NF1: variants seen among roughly 807,000 people sequenced by gnomAD.
NF1 encodes the protein neurofibromin.
In NF1, 122 loss-of-function variants were observed where a neutral mutation model predicts 325.7. The observed-to-expected ratio is 0.37, with a 90% CI of 0.32 to 0.44. NF1 has a LOEUF of 0.44. NF1 is among the 20% of genes least tolerant of loss of function. The pLI is 1.00. For missense variants in NF1, 2,140 were observed against 3,415.4 expected, an observed-to-expected ratio of 0.63 and a Z score of 9.31; for synonymous variants, 1,091 against 1,186.0, an observed-to-expected ratio of 0.92 and a Z score of 1.65.
At chr17:31,220,301 TTAC>T in intron 14 of NF1, among the ~76,000 whole-genome samples, 1 of 152,340 alleles carries the variant, frequency 6.6e-6, no homozygotes, top group Non-Finnish European at 1.5e-5. Context: ...ATTTTAGCAC[TTAC>T]TACGTAATCA....
intron 13 of NF1, among the ~76,000 whole-genome samples, chr17:31,218,466 C>T (rs2066861599): frequency 6.6e-6 from 1 of 152,138 alleles, no homozygotes; most frequent in South Asian, 2.1e-4. Flanking sequence ...AATTCACCAT[C>T]TTAAAGTTTA....
rs117424974 is a variant in NF1, at chr17:31,130,295, C to T, written c.61-25688C>T. Among the ~76,000 whole-genome samples, 31 of 152,230 alleles carry T rather than the reference C, an allele frequency of 2.0e-4. 1 individual carries two copies. The East Asian group carries it at 5.8e-3, about 28-fold the overall frequency. ...CTGCTGCACTGGAGGGGCCGAGGTG[C>T]TCCTGGACCTCTGGTCACAATACTC... On this transcript the variant is annotated intron_variant, in intron 1 of 57. Transcript: ENST00000358273.
intron 52 of NF1, 42 bp from the exon 53 acceptor site, chr17:31,356,918 T>C (rs1597866237): frequency 2.5e-6 from 4 of 1,611,986 alleles, no homozygotes; most frequent in Non-Finnish European, 3.4e-6. Context: ...GTGAAGTGAT[T>C]ATCCAGGTGT....
chr17:31,296,021 A>G (rs534903929), intron 36 of NF1: 3 of 1,614,196 alleles, frequency 1.9e-6, no homozygotes, highest in South Asian at 2.2e-5. Context: ...AGCAGCAGAC[A>G]TGTTCCACAG....
chr17:31,216,752 AC>A (rs1188014382), intron 13 of NF1, among the ~76,000 whole-genome samples: 1 of 152,026 alleles, frequency 6.6e-6, no homozygotes, highest in Non-Finnish European at 1.5e-5. Context: ...TCTCCCATCT[AC>A]CATTTCTTCC....
rs745931495 is a variant in NF1, at chr17:31,249,084, C to A, written c.4075C>A (p.Pro1359Thr). ...AIISSSSEFP[P>T]QLRSVCHCLY... The stretch of plus-strand genomic sequence containing the variant: ...CATCAGTTCCTCCTCAGAATTCCCC[C>A]CTCAACTTCGAAGTGTGTGCCACTG... The change falls in exon 30 of 58, where the codon CCT becomes ACT. Residue 1359 changes from proline to threonine, a missense_variant. By Grantham distance (38) the Pro-to-Thr change is conservative. Around this residue, in one of 10 missense-constraint regions of NF1, gnomAD observed 336 missense variants for 399.0 expected, o/e 0.84. Transcript: ENST00000358273. The A allele has an allele frequency of 3.1e-6, 5 of 1,614,098 alleles. No individual in the cohort carries two copies. The highest frequency in any genetic ancestry group is 2.5e-6 in the Non-Finnish European group (3 of 1,179,990).
At chr17:31,135,811 A>G (rs927267551) in intron 1 of NF1, among the ~76,000 whole-genome samples, 2 of 151,910 alleles carry the variant, frequency 1.3e-5, no homozygotes, top group Non-Finnish European at 2.9e-5. Flanking sequence ...TCCTGAGCTC[A>G]AGCGATCCAC....
At chr17:31,196,641 A>G (rs190089505) in intron 8 of NF1, among the ~76,000 whole-genome samples, 146 of 151,666 alleles carry the variant, frequency 9.6e-4, no homozygotes, top group Non-Finnish European at 1.6e-3. Flanking sequence ...TTTTTTTCCT[A>G]TATTTTCTTA....
intron 36 of NF1, chr17:31,296,698 A>G (rs17883503): frequency 7.9e-6 from 2 of 253,090 alleles, no homozygotes; most frequent in South Asian, 5.2e-5. Context: ...GGCTATTACT[A>G]TTTTTGATGA....
intron 8 of NF1, chr17:31,183,113 G>C (rs1020741466): frequency 5.7e-6 from 2 of 353,828 alleles, no homozygotes; most frequent in African/African-American, 4.2e-5. Context: ...AATTTTGCCA[G>C]GAAGGTAAGG....
intron 1 of NF1, among the ~76,000 whole-genome samples, chr17:31,129,768 GT>G (rs1915196613): frequency 6.6e-6 from 1 of 152,028 alleles, no homozygotes; most frequent in Admixed American, 6.6e-5. Flanking sequence ...GTATGAGGTC[GT>G]TTATATTCTT....
chr17:31,367,316 G>A, intron 57 of NF1: 1 of 1,252,070 alleles, frequency 8.0e-7, no homozygotes, highest in Non-Finnish European at 1.1e-6. Flanking sequence ...CGAAAATACT[G>A]CTTACCCCAC....
intron 1 of NF1, 97 bp downstream of exon 1, chr17:31,095,466 C>A: frequency 8.1e-7 from 1 of 1,240,136 alleles, no homozygotes; most frequent in Non-Finnish European, 1.1e-6. Context: ...CCGCGGCTGC[C>A]TCAGGCTCTG....
intron 1 of NF1, among the ~76,000 whole-genome samples, chr17:31,096,141 C>CTT (rs1555594769): frequency 1.4e-5 from 2 of 144,612 alleles, no homozygotes; most frequent in Middle Eastern, 3.2e-3. Context: ...TCCCCCCCCC[C>CTT]TTTTTTTTTT....
intron 1 of NF1, among the ~76,000 whole-genome samples, chr17:31,140,154 A>G (rs765079798): frequency 2.6e-5 from 4 of 152,246 alleles, no homozygotes; most frequent in Admixed American, 6.5e-5. Flanking sequence ...AACAGTGGAT[A>G]TTAAACAACG....
At chr17:31,163,064 A>C (rs2065789872) in intron 3 of NF1, 122 bp from the exon 4 acceptor site, 1 of 814,628 alleles carries the variant, frequency 1.2e-6, no homozygotes, top group Non-Finnish European at 2.0e-6. Context: ...TGTTAAATCT[A>C]GGTGGTGTGT....
chr17:31,107,398 C>T (rs1035745687), intron 1 of NF1, among the ~76,000 whole-genome samples: 1 of 152,008 alleles, frequency 6.6e-6, no homozygotes, highest in African/African-American at 2.4e-5. Flanking sequence ...ATGACACAAA[C>T]TACCCACAGG....
intron 1 of NF1, among the ~76,000 whole-genome samples, chr17:31,101,935 A>G (rs1161195163): frequency 6.6e-6 from 1 of 152,196 alleles, no homozygotes; most frequent in Non-Finnish European, 1.5e-5. Context: ...ATTCTCTTCT[A>G]GTCACCCCAG....
intron 36 of NF1, chr17:31,321,520 G>T (rs1011653957): frequency 6.6e-6 from 1 of 152,266 alleles, no homozygotes; most frequent in Non-Finnish European, 1.5e-5. Context: ...GTCAAAATCT[G>T]ATTATAACGT....
Sources: allele counts gnomAD v4.1 joint callset (sites outside exome capture counted in the v4.1 genomes callset), GRCh38; gene constraint gnomAD v4.1.1; regional missense constraint gnomAD v4.1.1; transcripts MANE v1.5; gene names NCBI Gene and HGNC (gene_info 2026-07-23, HGNC 2026-07-21).